The following PRR33 variants were observed in gnomAD, a reference collection of about 807,000 sequenced individuals.
The protein encoded by PRR33 is proline-rich protein 33.
A neutral mutation model predicts 0.5 loss-of-function variants in PRR33; 1 was observed. The observed-to-expected ratio is 2.18, with a 90% CI of 0.77 to 10.34. The LOEUF (loss-of-function observed/expected upper bound fraction) is 10.34, where lower values mean the gene tolerates loss of function less well. PRR33 is among the 30% of genes most tolerant of loss of function. PRR33 has a pLI of 0.13. For missense variants in PRR33, 552 were observed against 251.8 expected (o/e 2.19, Z -8.07); for synonymous variants, 226 against 110.0 (o/e 2.06, Z -6.60).
At chr11:1,914,012 G>A in the PRR33 span, among the ~76,000 whole-genome samples, 1 of 152,218 alleles carries the variant, frequency 6.6e-6, no homozygotes, top group Admixed American at 6.5e-5. Context: ...GCTCCTGGGG[G>A]GCCTTTCAGA....
chr11:1,905,874 A>G, the PRR33 span, among the ~76,000 whole-genome samples: 4 of 151,534 alleles, frequency 2.6e-5, no homozygotes, highest in Non-Finnish European at 5.9e-5. Context: ...GCTCGAGTGT[A>G]TTGGTGCAAT....
At chr11:1,901,816 G>A in the PRR33 span, among the ~76,000 whole-genome samples, 1 of 152,228 alleles carries the variant, frequency 6.6e-6, no homozygotes, top group African/African-American at 2.4e-5. Context: ...GTCCCTCCCA[G>A]ACGTTGCAAA....
At chr11:1,907,660 C>G in the PRR33 span, among the ~76,000 whole-genome samples, 1 of 152,130 alleles carries the variant, frequency 6.6e-6, no homozygotes, top group Non-Finnish European at 1.5e-5. Flanking sequence ...GTGATCCAAC[C>G]GCCCCGGCCT....
chr11:1,898,229 G>A, the PRR33 span, among the ~76,000 whole-genome samples: 8 of 151,836 alleles, frequency 5.3e-5, no homozygotes, highest in African/African-American at 1.2e-4. Flanking sequence ...AGCCAATTAC[G>A]AGGGATACTT....
At chr11:1,888,407 T>C (rs1289963669) in exon 1 of PRR33, among the ~76,000 whole-genome samples, 1 of 152,096 alleles carries the variant, frequency 6.6e-6, no homozygotes, top group African/African-American at 2.4e-5. Context: ...AGCCTGGGCA[T>C]GGCCAGTGCT....
At chr11:1,908,337 A>C in the PRR33 span, among the ~76,000 whole-genome samples, 2 of 142,742 alleles carry the variant, frequency 1.4e-5, no homozygotes, top group Non-Finnish European at 1.5e-5. Flanking sequence ...CCCCCAAATA[A>C]ACTCACTAGA....
At chr11:1,910,103 G>A in the PRR33 span, among the ~76,000 whole-genome samples, 3 of 152,200 alleles carry the variant, frequency 2.0e-5, no homozygotes, top group Non-Finnish European at 4.4e-5. Flanking sequence ...ATGAATACAC[G>A]ACGGTGTACC....
chr11:1,915,008 CTGTG>C, the PRR33 span, among the ~76,000 whole-genome samples: 11 of 147,342 alleles, frequency 7.5e-5, no homozygotes, highest in African/African-American at 2.8e-4. Context: ...TGATATTTCT[CTGTG>C]TGTGTGTTGT....
At chr11:1,914,202 G>A in the PRR33 span, among the ~76,000 whole-genome samples, 1 of 152,200 alleles carries the variant, frequency 6.6e-6, no homozygotes, top group Non-Finnish European at 1.5e-5. Flanking sequence ...GTGTGTTGTG[G>A]GGTCACACAC....
At chr11:1,904,271 G>T in the PRR33 span, among the ~76,000 whole-genome samples, 1 of 152,218 alleles carries the variant, frequency 6.6e-6, no homozygotes, top group Admixed American at 6.5e-5. Context: ...GCTCACGCCT[G>T]TAATCCCAGC....
the PRR33 span, among the ~76,000 whole-genome samples, chr11:1,914,582 C>CTGTGTGTGTGTGTG: frequency 3.8e-5 from 5 of 130,184 alleles, no homozygotes; most frequent in African/African-American, 1.5e-4. Flanking sequence ...GGATGTTGCT[C>CTGTGTGTGTGTGTG]TGTGTGTGTG....
At chr11:1,896,614 G>A (rs1246464633), upstream of PRR33, among the ~76,000 whole-genome samples, 7 of 151,972 alleles carry the variant, frequency 4.6e-5, no homozygotes, top group East Asian at 1.9e-4. Context: ...TTCCTTTCTC[G>A]TCTGTATGGC....
chr11:1,900,719 G>A, the PRR33 span, among the ~76,000 whole-genome samples: 70 of 152,188 alleles, frequency 4.6e-4, no homozygotes, highest in Non-Finnish European at 8.2e-4. Flanking sequence ...ATACCCGGAT[G>A]TATCAGAATT....
chr11:1,913,397 C>T, the PRR33 span, among the ~76,000 whole-genome samples: 5 of 151,828 alleles, frequency 3.3e-5, no homozygotes, highest in Admixed American at 2.6e-4. Context: ...CCGCCCGCCT[C>T]AGCCTCCCAA....
At chr11:1,914,857 G>C in the PRR33 span, among the ~76,000 whole-genome samples, 36 of 136,850 alleles carry the variant, frequency 2.6e-4, no homozygotes, top group South Asian at 5.0e-4. Flanking sequence ...ATGTTTCTGT[G>C]TGTGTGTGTG....
chr11:1,894,277 G>C (rs1377077917), upstream of PRR33, among the ~76,000 whole-genome samples: 7 of 151,316 alleles, frequency 4.6e-5, no homozygotes, highest in African/African-American at 1.7e-4. Context: ...CTGTTTCCCA[G>C]GCTGGGAGTG....
At chr11:1,889,964 G>C (rs1483432977) in exon 1 of PRR33, 1 of 630,578 alleles carries the variant, frequency 1.6e-6, no homozygotes, top group Non-Finnish European at 2.9e-6. Context: ...CTCCATCCTG[G>C]CTGTTGGATC....
chr11:1,915,082 T>C, the PRR33 span, among the ~76,000 whole-genome samples: 1 of 146,402 alleles, frequency 6.8e-6, no homozygotes, highest in Non-Finnish European at 1.5e-5. Context: ...GTCACACACC[T>C]GGGATGTTTC....
the PRR33 span, among the ~76,000 whole-genome samples, chr11:1,901,094 A>G: frequency 6.6e-6 from 1 of 152,182 alleles, no homozygotes; most frequent in Non-Finnish European, 1.5e-5. Context: ...AGCAGATCAC[A>G]AGGTCAGGAG....
Sources: allele counts gnomAD v4.1 joint callset (sites outside exome capture counted in the v4.1 genomes callset), GRCh38; gene constraint gnomAD v4.1.1; transcripts MANE v1.5; gene names NCBI Gene and HGNC (gene_info 2026-07-23, HGNC 2026-07-21).